Variants in HS6ST3 observed in about 807,000 individuals in gnomAD.
The protein encoded by HS6ST3 is heparan-sulfate 6-O-sulfotransferase 3.
A neutral mutation model predicts 36.7 loss-of-function variants in HS6ST3; 12 were observed. The observed-to-expected ratio is 0.33, with a 90% CI of 0.21 to 0.53. HS6ST3 has a LOEUF of 0.53. HS6ST3 is among the 20% of genes least tolerant of loss of function. The pLI is 0.95. For synonymous variants in HS6ST3, 240 were observed against 257.5 expected, an observed-to-expected ratio of 0.93 and a Z score of 0.65; for missense variants, 584 against 640.9, an observed-to-expected ratio of 0.91 and a Z score of 0.96.
chr13:96,597,547 T>C (rs1435628976), intron 1 of HS6ST3, among the ~76,000 whole-genome samples: 1 of 152,040 alleles, frequency 6.6e-6, no homozygotes, highest in East Asian at 1.9e-4. Context: ...TATTTTTTTT[T>C]CTTGATGATT....
chr13:96,783,492 T>C (rs889387678), intron 1 of HS6ST3, among the ~76,000 whole-genome samples: 1 of 152,202 alleles, frequency 6.6e-6, no homozygotes, highest in Non-Finnish European at 1.5e-5. Flanking sequence ...TGTTTTTCTC[T>C]TAAGAAATTG....
intron 1 of HS6ST3, among the ~76,000 whole-genome samples, chr13:96,100,102 G>A (rs2053810717): frequency 6.6e-6 from 1 of 151,758 alleles, no homozygotes; most frequent in Admixed American, 6.6e-5. Context: ...AATAGTCAAG[G>A]TAAAGAATGA....
Position 96,460,124 on chromosome 13 carries a change from C to T in HS6ST3, c.707+368555C>T, listed in dbSNP as rs116869115. Among the ~76,000 whole-genome samples the T allele has an allele frequency of 1.3e-3, 194 of 152,258 alleles. 3 individuals carry two copies. The East Asian group carries it at 0.035, about 27-fold the overall frequency. On this transcript the variant is annotated intron_variant, in intron 1 of 1. Coordinates refer to ENST00000376705, the MANE Select transcript of HS6ST3 (RefSeq NM_153456.4). ...GCAAAGATATACACAACACAATAGG[C>T]AAAACCAACTTCCATGAAAGAGTGT...
intron 1 of HS6ST3, among the ~76,000 whole-genome samples, chr13:96,244,842 G>A (rs1319219951): frequency 6.6e-6 from 1 of 152,140 alleles, no homozygotes; most frequent in African/African-American, 2.4e-5. Context: ...ATAATGAAGT[G>A]TTGCCAGTTT....
Position 96,151,711 on chromosome 13 carries a change from C to T in HS6ST3, c.707+60142C>T, listed in dbSNP as rs1218754456. On this transcript the variant is annotated intron_variant, in intron 1 of 1. Coordinates refer to ENST00000376705, the MANE Select transcript of HS6ST3 (RefSeq NM_153456.4). ...TCGGCAGGGCCATGTGCCTCTGAAACGTGTATGAAAGCATCCTGCCTTGCC... is the reference window on the plus strand; with the variant it reads ...TCGGCAGGGCCATGTGCCTCTGAAATGTGTATGAAAGCATCCTGCCTTGCC... 3.9e-5 allele frequency among the ~76,000 whole-genome samples: 6 copies of T among 152,132 alleles called. No individual in the cohort carries two copies. In the East Asian group the frequency reaches 5.8e-4, roughly 15 times the overall value.
At chr13:96,459,855 C>T (rs924202812) in intron 1 of HS6ST3, among the ~76,000 whole-genome samples, 9 of 152,200 alleles carry the variant, frequency 5.9e-5, no homozygotes, top group East Asian at 5.8e-4. Flanking sequence ...TAGCTGGGTA[C>T]GGTGTGTGCA....
intron 1 of HS6ST3, among the ~76,000 whole-genome samples, chr13:96,351,422 G>A (rs1738105718): frequency 6.6e-6 from 1 of 151,448 alleles, no homozygotes; most frequent in Non-Finnish European, 1.5e-5. Context: ...ACTGGGCTCA[G>A]GTGATCAGCC....
intron 1 of HS6ST3, among the ~76,000 whole-genome samples, chr13:96,598,286 A>G (rs907713614): frequency 6.6e-6 from 1 of 152,130 alleles, no homozygotes; most frequent in Non-Finnish European, 1.5e-5. Context: ...TTTTGATAAC[A>G]TTGATTCTTC....
chr13:96,755,788 G>T (rs1876812808), intron 1 of HS6ST3, among the ~76,000 whole-genome samples: 1 of 152,150 alleles, frequency 6.6e-6, no homozygotes, highest in Admixed American at 6.5e-5. Context: ...TATGAATAAA[G>T]CTGCTCTGAA....
At chr13:96,307,450 A>AT (rs1028446131) in intron 1 of HS6ST3, among the ~76,000 whole-genome samples, 3 of 152,070 alleles carry the variant, frequency 2.0e-5, no homozygotes, top group African/African-American at 7.2e-5. Flanking sequence ...GGCAGTTTTG[A>AT]TTTTTTAAAT....
rs74516009 is a variant in HS6ST3, at chr13:96,109,294, A to G, written c.707+17725A>G. Among the ~76,000 whole-genome samples, 143 of 152,268 alleles carry G rather than the reference A, an allele frequency of 9.4e-4. 5 individuals are homozygous for G. The East Asian group carries it at 0.022, about 23-fold the overall frequency. On this transcript the variant is annotated intron_variant, in intron 1 of 1. Transcript: ENST00000376705. The stretch of plus-strand genomic sequence containing the variant: ...GCTGGGCCCTAGTGTCTGGAAACCA[A>G]CTGTGACTCAGCAGATCGTATGTCA...
intron 1 of HS6ST3, among the ~76,000 whole-genome samples, chr13:96,826,859 A>G (rs1243554341): frequency 6.6e-6 from 1 of 152,224 alleles, no homozygotes; most frequent in African/African-American, 2.4e-5. Context: ...TAAAATGATT[A>G]TTGACTTAAC....
intron 1 of HS6ST3, among the ~76,000 whole-genome samples, chr13:96,139,304 A>C (rs979752022): frequency 1.1e-4 from 16 of 152,090 alleles, no homozygotes; most frequent in Non-Finnish European, 2.4e-4. Context: ...AACTGAACTG[A>C]ACGCATTATG....
At chr13:96,649,090 C>T (rs2056598919) in intron 1 of HS6ST3, among the ~76,000 whole-genome samples, 1 of 151,896 alleles carries the variant, frequency 6.6e-6, no homozygotes, top group Non-Finnish European at 1.5e-5. Flanking sequence ...TTTGCCCCAC[C>T]CACAATCTTT....
chr13:96,701,755 T>G (rs567842613), intron 1 of HS6ST3, among the ~76,000 whole-genome samples: 2 of 151,790 alleles, frequency 1.3e-5, no homozygotes, highest in Admixed American at 6.6e-5. Context: ...AGCTAAGGAG[T>G]TTGGGACCAG....
chr13:96,195,505 T>C (rs1289673618), intron 1 of HS6ST3, among the ~76,000 whole-genome samples: 32 of 152,220 alleles, frequency 2.1e-4, no homozygotes, highest in Admixed American at 2.1e-3. Context: ...GCATAAATTC[T>C]GTCAGGAAAG....
chr13:96,692,582 G>C (rs1479485913), intron 1 of HS6ST3, among the ~76,000 whole-genome samples: 2 of 152,116 alleles, frequency 1.3e-5, no homozygotes, highest in African/African-American at 4.8e-5. Flanking sequence ...CTTGTGCAAA[G>C]CCTGAAGATG....
chr13:96,337,920 A>G (rs1238416470), intron 1 of HS6ST3, among the ~76,000 whole-genome samples: 1 of 151,584 alleles, frequency 6.6e-6, no homozygotes, highest in Non-Finnish European at 1.5e-5. Flanking sequence ...TCATTTTTCC[A>G]TTTGTGTAAT....
chr13:96,317,668 A>T (rs2054982648), intron 1 of HS6ST3, among the ~76,000 whole-genome samples: 1 of 149,732 alleles, frequency 6.7e-6, no homozygotes, highest in African/African-American at 2.5e-5. Context: ...ACTAATTTAC[A>T]TTCTTAGCCA....
Sources: allele counts gnomAD v4.1 joint callset (sites outside exome capture counted in the v4.1 genomes callset), GRCh38; gene constraint gnomAD v4.1.1; transcripts MANE v1.5; gene names NCBI Gene and HGNC (gene_info 2026-07-23, HGNC 2026-07-21).